The following FMNL2 variants were observed in gnomAD, a reference collection of about 807,000 sequenced individuals.
The protein encoded by FMNL2 is formin-like protein 2.
FMNL2 carries 51 observed loss-of-function variants against 130.2 expected under a neutral mutation model. The observed-to-expected ratio is 0.39, with a 90% CI of 0.31 to 0.49. The LOEUF (loss-of-function observed/expected upper bound fraction) is 0.49, where lower values mean the gene tolerates loss of function less well. Among genes scored for constraint, FMNL2 ranks in the 20% least tolerant of loss-of-function variants. FMNL2 has a pLI of 0.85. For missense variants in FMNL2, 977 were observed against 1,316.2 expected (o/e 0.74, Z 3.99); for synonymous variants, 465 against 467.1 (o/e 1.00, Z 0.06).
chr2:152,619,389 A>G (rs1699116466), intron 14 of FMNL2, 120 bp from the exon 15 acceptor site: 1 of 1,461,616 alleles, frequency 6.8e-7, no homozygotes, highest in Non-Finnish European at 9.1e-7. Context: ...TTGGTTTTTG[A>G]AAACAGTCCT....
At chr2:152,560,139 A>T (rs189114451) in intron 5 of FMNL2, among the ~76,000 whole-genome samples, 2 of 151,756 alleles carry the variant, frequency 1.3e-5, no homozygotes, top group East Asian at 3.9e-4. Context: ...GTTGCTATGG[A>T]TAGAAACAAT....
chr2:152,632,104 A>C lies in FMNL2; in HGVS notation c.2647A>C (p.Asn883His), dbSNP rs760733911. The C allele has an allele frequency of 2.5e-6, 4 of 1,612,972 alleles. No individual in the cohort carries two copies. Among genetic ancestry groups the C allele is most frequent in the Non-Finnish European group, 3.4e-6 (4 of 1,179,402 alleles). The change falls in exon 21 of 26, where the codon AAT becomes CAT. Residue 883 changes from asparagine (N) to histidine (H), a missense_variant. By Grantham distance (68) the Asn-to-His change is moderately conservative (BLOSUM62 1). Coordinates refer to ENST00000288670, the MANE Select transcript of FMNL2 (RefSeq NM_052905.4). The stretch of plus-strand genomic sequence containing the variant: ...ATATCACCAAGTGTCCCTGTTTTAT[A>C]ATGAGCTTCATTATGTGGAAAAAGC... ...EKYHQVSLFY[N>H]ELHYVEKAAA...
At chr2:152,624,023 A>C (rs73011921) in intron 15 of FMNL2, among the ~76,000 whole-genome samples, 1,629 of 123,232 alleles carry the variant, frequency 0.013, 54 homozygotes, top group African/African-American at 0.049. Context: ...GAGTCTGAGA[A>C]TCCATACAAT....
chr2:152,448,338 T>G (rs1468248049), intron 1 of FMNL2, among the ~76,000 whole-genome samples: 1 of 152,308 alleles, frequency 6.6e-6, no homozygotes, highest in East Asian at 1.9e-4. Flanking sequence ...GAAGCAACTT[T>G]TAGGGAGTTG....
At chr2:152,398,490 G>C (rs1685516484) in intron 1 of FMNL2, among the ~76,000 whole-genome samples, 1 of 152,184 alleles carries the variant, frequency 6.6e-6, no homozygotes, top group Non-Finnish European at 1.5e-5. Context: ...CTAGTAATTG[G>C]AATTTTGGAT....
chr2:152,626,589 T>C lies in FMNL2; in HGVS notation c.2027T>C (p.Leu676Pro). Residue 676 changes from leucine to proline, a missense_variant, in exon 17 of 26, where the codon CTT becomes CCT. Transcript: ENST00000288670. ...AAAGCCCAAGGACCTGCCATTGATC[T>C]TTCTTCAAGCAAACAGAAGATACCA... ...KTKAQGPAID[L>P]SSSKQKIPQK... The C allele has an allele frequency of 6.2e-7, 1 of 1,612,726 alleles. No homozygotes were observed.
chr2:152,591,364 A>G (rs1436668568), intron 9 of FMNL2, among the ~76,000 whole-genome samples: 2 of 152,120 alleles, frequency 1.3e-5, no homozygotes, highest in Non-Finnish European at 2.9e-5. Flanking sequence ...ATGCTCAGTT[A>G]TCTTTTGTGT....
rs998952636 is a variant in FMNL2, at chr2:152,528,790, G to A, written c.201+6764G>A. ...AGTAAGGTTTTAATTTACATAATCA[G>A]GTTGGATATTGTTGGCCATTGGGGG... On this transcript the variant is annotated intron_variant, in intron 2 of 25. Transcript: ENST00000288670. Among the ~76,000 whole-genome samples, 5 of 152,128 alleles carry A rather than the reference G, an allele frequency of 3.3e-5. No homozygotes were observed. The South Asian group carries it at 8.3e-4, about 25-fold the overall frequency.
At chr2:152,513,146 C>A (rs1217333458) in intron 1 of FMNL2, among the ~76,000 whole-genome samples, 6 of 152,100 alleles carry the variant, frequency 3.9e-5, no homozygotes, top group African/African-American at 1.4e-4. Flanking sequence ...TGTTGCTTAA[C>A]AATGGAGACA....
intron 1 of FMNL2, among the ~76,000 whole-genome samples, chr2:152,393,267 T>C (rs886385913): frequency 3.9e-5 from 6 of 152,232 alleles, no homozygotes; most frequent in Non-Finnish European, 5.9e-5. Flanking sequence ...AGATATGTCT[T>C]AATTTCAGAT....
At chr2:152,582,524 A>T (rs964476577) in intron 9 of FMNL2, among the ~76,000 whole-genome samples, 1 of 152,186 alleles carries the variant, frequency 6.6e-6, no homozygotes, top group African/African-American at 2.4e-5. Flanking sequence ...AGCCCCAAAG[A>T]TAGTGAAAAA....
intron 2 of FMNL2, among the ~76,000 whole-genome samples, chr2:152,524,005 C>G (rs1693249337): frequency 1.3e-5 from 2 of 152,154 alleles, no homozygotes; most frequent in South Asian, 4.1e-4. Flanking sequence ...GAAGACTAAG[C>G]AGAAGTTTGC....
chr2:152,361,308 CA>C (rs1186820505), intron 1 of FMNL2, among the ~76,000 whole-genome samples: 3 of 152,110 alleles, frequency 2.0e-5, no homozygotes, highest in Non-Finnish European at 2.9e-5. Context: ...AATTTTTACT[CA>C]CTTGAAAACT....
chr2:152,550,664 G>A (rs1294746904), intron 4 of FMNL2, among the ~76,000 whole-genome samples: 1 of 152,134 alleles, frequency 6.6e-6, no homozygotes, highest in Non-Finnish European at 1.5e-5. Context: ...TGTCTGCTGG[G>A]GATGAACATG....
chr2:152,402,057 GCCA>G (rs1474033249), intron 1 of FMNL2, among the ~76,000 whole-genome samples: 1 of 151,886 alleles, frequency 6.6e-6, no homozygotes, highest in Non-Finnish European at 1.5e-5. Flanking sequence ...ACAGGCACAT[GCCA>G]CCCAGCTAAT....
chr2:152,499,927 TG>T (rs1691718311), intron 1 of FMNL2, among the ~76,000 whole-genome samples: 1 of 152,206 alleles, frequency 6.6e-6, no homozygotes, highest in Admixed American at 6.5e-5. Flanking sequence ...AACCCGACTC[TG>T]GATGCACTAA....
At chr2:152,647,563 A>AT (rs1358835461) in intron 25 of FMNL2, among the ~76,000 whole-genome samples, 2 of 152,102 alleles carry the variant, frequency 1.3e-5, no homozygotes, top group African/African-American at 2.4e-5. Context: ...TAATCTATGT[A>AT]TTTTTCTCTC....
intron 1 of FMNL2, among the ~76,000 whole-genome samples, chr2:152,409,291 G>C (rs1028664719): frequency 9.9e-5 from 15 of 152,148 alleles, no homozygotes; most frequent in African/African-American, 3.4e-4. Context: ...TGGCAAAAAT[G>C]CCTTCAGTAT....
chr2:152,624,319 G>A (rs1291421848), intron 15 of FMNL2, among the ~76,000 whole-genome samples: 2 of 151,316 alleles, frequency 1.3e-5, no homozygotes, highest in African/African-American at 4.9e-5. Context: ...CACCACAACT[G>A]GCTAATTTGT....
Sources: gnomAD v4.1 joint callset for allele counts (sites outside exome capture counted in the v4.1 genomes callset) on GRCh38, gnomAD v4.1.1 for gene constraint, MANE v1.5 for transcripts, NCBI Gene and HGNC (gene_info 2026-07-23, HGNC 2026-07-21) for gene names.